ENTREP2: variants seen among roughly 807,000 people sequenced by gnomAD.
The protein encoded by ENTREP2 is endosomal transmembrane epsin interactor 2, also known as protein ENTREP2.
At chr15:29,235,119 A>G in the ENTREP2 span, 12 of 1,024,740 alleles carry the variant, frequency 1.2e-5, no homozygotes, top group African/African-American at 1.9e-4. Flanking sequence ...AGATGTGGGC[A>G]GGAGCCACCC....
chr15:29,217,203 T>A, the ENTREP2 span, among the ~76,000 whole-genome samples: 1 of 152,180 alleles, frequency 6.6e-6, no homozygotes, highest in Non-Finnish European at 1.5e-5. Flanking sequence ...CAGTATCTTA[T>A]CAGTTAATTG....
At chr15:29,496,735 A>G in the ENTREP2 span, among the ~76,000 whole-genome samples, 1 of 152,242 alleles carries the variant, frequency 6.6e-6, no homozygotes. Context: ...GATTATATTG[A>G]ACTATCTTTG....
the ENTREP2 span, among the ~76,000 whole-genome samples, chr15:29,206,303 C>T: frequency 6.6e-6 from 1 of 152,120 alleles, no homozygotes; most frequent in Admixed American, 6.5e-5. Flanking sequence ...GCGGGCTCCA[C>T]CCACATGACC....
the ENTREP2 span, among the ~76,000 whole-genome samples, chr15:29,284,907 T>A: frequency 6.6e-6 from 1 of 152,228 alleles, no homozygotes; most frequent in Non-Finnish European, 1.5e-5. Flanking sequence ...ATGCAAGTTA[T>A]AACACAATTT....
the ENTREP2 span, among the ~76,000 whole-genome samples, chr15:29,209,643 G>A: frequency 6.6e-6 from 1 of 152,170 alleles, no homozygotes; most frequent in Non-Finnish European, 1.5e-5. Flanking sequence ...TCCAGGGATG[G>A]TGGAAGCAAA....
chr15:29,602,366 T>A, the ENTREP2 span, among the ~76,000 whole-genome samples: 1 of 152,210 alleles, frequency 6.6e-6, no homozygotes, highest in South Asian at 2.1e-4. Flanking sequence ...ATTCTTGGTC[T>A]GGGTCTGGAA....
chr15:29,444,226 G>GA, the ENTREP2 span, among the ~76,000 whole-genome samples: 30 of 148,652 alleles, frequency 2.0e-4, no homozygotes, highest in African/African-American at 7.3e-4. Flanking sequence ...AAGAAAGAAA[G>GA]AAAGAAAGAA....
At chr15:29,126,338 T>C in the ENTREP2 span, 1 of 1,533,162 alleles carries the variant, frequency 6.5e-7, no homozygotes, top group Non-Finnish European at 8.8e-7. Flanking sequence ...TGGCTGCACC[T>C]GTGAGCCCAT....
the ENTREP2 span, among the ~76,000 whole-genome samples, chr15:29,145,037 C>G: frequency 1.3e-5 from 2 of 152,048 alleles, no homozygotes; most frequent in Admixed American, 1.3e-4. Flanking sequence ...GTTTGGGTGA[C>G]AGAGAGACTC....
chr15:29,213,099 G>C, the ENTREP2 span, among the ~76,000 whole-genome samples: 2 of 152,312 alleles, frequency 1.3e-5, no homozygotes, highest in African/African-American at 4.8e-5. Context: ...TCAGATGGTT[G>C]TAGACGTGTG....
the ENTREP2 span, among the ~76,000 whole-genome samples, chr15:29,532,197 C>T: frequency 9.2e-5 from 14 of 152,202 alleles, no homozygotes; most frequent in South Asian, 2.1e-4. Flanking sequence ...GAATTTATTT[C>T]GCTAAACTGT....
the ENTREP2 span, among the ~76,000 whole-genome samples, chr15:29,164,997 C>T: frequency 0.038 from 5,751 of 152,098 alleles, 341 homozygotes; most frequent in African/African-American, 0.13. Context: ...TGGAATCAAA[C>T]TGGAAATCAA....
the ENTREP2 span, among the ~76,000 whole-genome samples, chr15:29,408,625 A>G: frequency 6.6e-6 from 1 of 152,102 alleles, no homozygotes; most frequent in African/African-American, 2.4e-5. Context: ...AAGCCTATTT[A>G]TATTCTCTGG....
At chr15:29,280,203 T>G in the ENTREP2 span, among the ~76,000 whole-genome samples, 1 of 152,316 alleles carries the variant, frequency 6.6e-6, no homozygotes, top group Middle Eastern at 3.4e-3. Flanking sequence ...TCTGAAAACG[T>G]GTAAATCATG....
At chr15:29,212,787 T>C in the ENTREP2 span, among the ~76,000 whole-genome samples, 4 of 152,250 alleles carry the variant, frequency 2.6e-5, no homozygotes, top group African/African-American at 7.2e-5. Context: ...AGAAGCTCTT[T>C]AGTTTAATTA....
chr15:29,362,451 T>C, the ENTREP2 span, among the ~76,000 whole-genome samples: 2 of 143,274 alleles, frequency 1.4e-5, no homozygotes, highest in African/African-American at 5.2e-5. Context: ...CTCGGCTCAC[T>C]GCAACTTCCG....
At chr15:29,213,232 C>T in the ENTREP2 span, among the ~76,000 whole-genome samples, 1 of 152,092 alleles carries the variant, frequency 6.6e-6, no homozygotes, top group Non-Finnish European at 1.5e-5. Context: ...CGTGATGCCT[C>T]CAGCTTTGTT....
At chr15:29,371,945 T>TA in the ENTREP2 span, among the ~76,000 whole-genome samples, 1 of 142,352 alleles carries the variant, frequency 7.0e-6, no homozygotes, top group African/African-American at 2.8e-5. Context: ...GATAGATAGA[T>TA]AGATAAAGAG....
the ENTREP2 span, among the ~76,000 whole-genome samples, chr15:29,586,319 G>A: frequency 6.6e-6 from 1 of 152,056 alleles, no homozygotes; most frequent in Non-Finnish European, 1.5e-5. Flanking sequence ...AGGAGGAATG[G>A]GAATCTCTAC....
Sources: gnomAD v4.1 joint callset for allele counts (sites outside exome capture counted in the v4.1 genomes callset) on GRCh38, gnomAD v4.1.1 for gene constraint, MANE v1.5 for transcripts, NCBI Gene and HGNC (gene_info 2026-07-23, HGNC 2026-07-21) for gene names.